The following KCNIP1 variants were observed in gnomAD, a reference collection of about 807,000 sequenced individuals.
KCNIP1 encodes the protein A-type potassium channel modulatory protein KCNIP1.
In KCNIP1, 18 loss-of-function variants were observed where a neutral mutation model predicts 33.0. The ratio of observed to expected loss-of-function variants is 0.55; its 90% confidence interval spans 0.38 to 0.81. The LOEUF (loss-of-function observed/expected upper bound fraction) is 0.81, where lower values mean the gene tolerates loss of function less well. Among genes scored for constraint, KCNIP1 ranks in the 30% least tolerant of loss-of-function variants. The pLI is 0.00. For synonymous variants in KCNIP1, 93 were observed against 98.3 expected (o/e 0.95, Z 0.32); for missense variants, 238 against 271.6 (o/e 0.88, Z 0.87).
chr5:170,387,415 A>G (rs1246891385), intron 1 of KCNIP1, among the ~76,000 whole-genome samples: 1 of 152,092 alleles, frequency 6.6e-6, no homozygotes, highest in Non-Finnish European at 1.5e-5. Context: ...CCCTCCCCTT[A>G]GCCAGGCTGC....
chr5:170,378,208 T>G (rs1764084300), intron 1 of KCNIP1: 1 of 153,256 alleles, frequency 6.5e-6, no homozygotes, highest in Admixed American at 6.5e-5. Context: ...TAAAAATATA[T>G]ATGGCACTTT....
At chr5:170,453,104 T>A (rs1398638464) in intron 1 of KCNIP1, among the ~76,000 whole-genome samples, 1 of 152,228 alleles carries the variant, frequency 6.6e-6, no homozygotes, top group African/African-American at 2.4e-5. Flanking sequence ...TCAAAATTCT[T>A]TGTTAGTTTG....
intron 1 of KCNIP1, chr5:170,383,738 C>T (rs1336928423): frequency 6.2e-7 from 1 of 1,614,200 alleles, no homozygotes; most frequent in South Asian, 1.1e-5. Context: ...CTGCCGGCAG[C>T]TGACACGTTG....
At chr5:170,611,257 C>G (rs1029750808) in intron 1 of KCNIP1, among the ~76,000 whole-genome samples, 3 of 152,180 alleles carry the variant, frequency 2.0e-5, no homozygotes, top group Non-Finnish European at 4.4e-5. Flanking sequence ...GTTCAAGCCC[C>G]TAGTTTATAG....
At chr5:170,717,793 A>C (rs2113867129) in intron 1 of KCNIP1, among the ~76,000 whole-genome samples, 1 of 152,296 alleles carries the variant, frequency 6.6e-6, no homozygotes. Context: ...CACCCATCTC[A>C]TCACTATTCT....
At chr5:170,498,780 G>A (rs2113218137) in intron 1 of KCNIP1, among the ~76,000 whole-genome samples, 1 of 152,326 alleles carries the variant, frequency 6.6e-6, no homozygotes, top group South Asian at 2.1e-4. Flanking sequence ...AGAGACAAGT[G>A]CTTTCCCTTT....
intron 1 of KCNIP1, among the ~76,000 whole-genome samples, chr5:170,554,084 C>T (rs1468946959): frequency 6.6e-6 from 1 of 152,164 alleles, no homozygotes. Flanking sequence ...CCTGTATGGC[C>T]AGCTCTTCTG....
chr5:170,730,645 A>G (rs1211270541), intron 5 of KCNIP1, among the ~76,000 whole-genome samples: 2 of 152,234 alleles, frequency 1.3e-5, no homozygotes, highest in Non-Finnish European at 2.9e-5. Flanking sequence ...TCCTCGTTCT[A>G]TCTGTTGAGG....
chr5:170,657,088 C>T (rs1005686525), intron 1 of KCNIP1, among the ~76,000 whole-genome samples: 2 of 151,240 alleles, frequency 1.3e-5, no homozygotes, highest in Admixed American at 6.6e-5. Flanking sequence ...CTCCACCTCC[C>T]GGGTTCAAGC....
At chr5:170,696,606 C>T (rs1762903641) in intron 1 of KCNIP1, among the ~76,000 whole-genome samples, 1 of 152,080 alleles carries the variant, frequency 6.6e-6, no homozygotes, top group Non-Finnish European at 1.5e-5. Flanking sequence ...ACATTGTAGT[C>T]CAGATAAACA....
At chr5:170,385,543 T>C in intron 1 of KCNIP1, 1 of 1,374,498 alleles carries the variant, frequency 7.3e-7, no homozygotes, top group South Asian at 1.2e-5. Context: ...AGAGGACAGG[T>C]GAGAGGGGAA....
chr5:170,398,899 G>A (rs1754826489), intron 1 of KCNIP1, among the ~76,000 whole-genome samples: 1 of 152,200 alleles, frequency 6.6e-6, no homozygotes, highest in Non-Finnish European at 1.5e-5. Flanking sequence ...CTGGAAAAGA[G>A]GGTCCTGATC....
chr5:170,540,701 A>G (rs1038793666), intron 1 of KCNIP1, among the ~76,000 whole-genome samples: 1 of 151,968 alleles, frequency 6.6e-6, no homozygotes. Flanking sequence ...CCATGGTCCC[A>G]CTCCTGCCAT....
At chr5:170,685,741 G>A (rs570865676) in intron 1 of KCNIP1, among the ~76,000 whole-genome samples, 8 of 151,950 alleles carry the variant, frequency 5.3e-5, no homozygotes, top group Non-Finnish European at 1.0e-4. Context: ...CACCCACCTC[G>A]GCCTCCCAAA....
intron 1 of KCNIP1, among the ~76,000 whole-genome samples, chr5:170,683,746 C>T: frequency 6.7e-6 from 1 of 150,128 alleles, no homozygotes; most frequent in East Asian, 1.9e-4. Flanking sequence ...TTCTTCGAGA[C>T]TAAATCTCAC....
At chr5:170,518,975 T>A (rs1298117063) in intron 1 of KCNIP1, among the ~76,000 whole-genome samples, 3 of 152,286 alleles carry the variant, frequency 2.0e-5, no homozygotes, top group Admixed American at 2.0e-4. Context: ...ACAGAAGTGA[T>A]TTCAGGTGCC....
intron 1 of KCNIP1, among the ~76,000 whole-genome samples, chr5:170,627,961 C>T (rs2113661361): frequency 6.6e-6 from 1 of 152,324 alleles, no homozygotes; most frequent in East Asian, 1.9e-4. Context: ...ACCAAAATGC[C>T]TTCATCCCCC....
intron 1 of KCNIP1, among the ~76,000 whole-genome samples, chr5:170,577,039 T>A (rs1009692722): frequency 1.2e-4 from 18 of 152,194 alleles, no homozygotes; most frequent in African/African-American, 4.3e-4. Flanking sequence ...GTGGGGTTGA[T>A]TGAAGTGAAG....
At chr5:170,694,276 A>G (rs1373815969) in intron 1 of KCNIP1, among the ~76,000 whole-genome samples, 2 of 152,218 alleles carry the variant, frequency 1.3e-5, no homozygotes, top group Non-Finnish European at 2.9e-5. Context: ...AAAAATTCAT[A>G]TATTTTTAAT....
Sources: allele counts gnomAD v4.1 joint callset (sites outside exome capture counted in the v4.1 genomes callset), GRCh38; gene constraint gnomAD v4.1.1; transcripts MANE v1.5; gene names NCBI Gene and HGNC (gene_info 2026-07-23, HGNC 2026-07-21).